The following SEC14L5 variants were observed in gnomAD, a reference collection of about 807,000 sequenced individuals.
SEC14L5 encodes the protein SEC14-like protein 5.
Under a neutral mutation model 84.6 loss-of-function variants are expected in SEC14L5, and 96 were observed. That is an observed-to-expected ratio of 1.13 (90% CI 0.96 to 1.34). SEC14L5 has a LOEUF of 1.34. Among genes scored for constraint, SEC14L5 ranks in the 40% most tolerant of loss-of-function variants. The probability of loss-of-function intolerance (pLI) is 0.00; values close to 1 mark genes in which losing one functional copy is unlikely to be tolerated. For synonymous variants in SEC14L5, 546 were observed against 383.4 expected (o/e 1.42, Z -4.95); for missense variants, 1,224 against 942.5 (o/e 1.30, Z -3.91).
Position 4,988,276 on chromosome 16 carries a change from A to G in SEC14L5, c.341A>G (p.Tyr114Cys), listed in dbSNP as rs1955517222. The G allele has an allele frequency of 1.2e-6, 2 of 1,613,678 alleles. No homozygotes were observed. The highest frequency in any genetic ancestry group is 1.7e-6 in the Non-Finnish European group (2 of 1,179,750). The change falls in exon 4 of 16, where the codon TAC becomes TGC. Residue 114 changes from tyrosine (Y) to cysteine (C), a missense_variant. Tyr to Cys is a radical substitution (Grantham distance 194). Coordinates refer to ENST00000251170, the MANE Select transcript of SEC14L5 (RefSeq NM_014692.2). ...NRVVVNEHCS[Y>C]TVHPENEDWT... ...GTGGTGGTGAACGAGCACTGCAGCT[A>G]CACGGTGAGCCCAGGCCACCCTCAG...
At chr16:4,981,548 AG>A (rs1231199729) in intron 2 of SEC14L5, among the ~76,000 whole-genome samples, 3 of 152,068 alleles carry the variant, frequency 2.0e-5, no homozygotes, top group Non-Finnish European at 2.9e-5. Context: ...TGAAGGACAG[AG>A]GGTGGAAAAG....
chr16:4,986,241 GTGA>G (rs1955485779), intron 2 of SEC14L5, among the ~76,000 whole-genome samples: 1 of 151,868 alleles, frequency 6.6e-6, no homozygotes, highest in South Asian at 2.1e-4. Context: ...TTGGTTTCAA[GTGA>G]TTCTTCTGCC....
rs1955861662 is a variant in SEC14L5, at chr16:5,015,248, G to A, written c.*278G>A. 4 of 420,980 alleles carry A rather than the reference G, an allele frequency of 9.5e-6. No homozygotes were observed. The highest frequency in any genetic ancestry group is 1.7e-5 in the Non-Finnish European group (4 of 235,062). The allele number at this position is 420,980 out of a possible 1,614,324, so 26.1% of individuals were successfully genotyped here. On this transcript the variant is annotated 3_prime_UTR_variant, in exon 16 of 16. Coordinates refer to ENST00000251170, the MANE Select transcript of SEC14L5 (RefSeq NM_014692.2). ...GGTGTCTACCATACCACACCTTTGG[G>A]ACATCCGGGCTTAGCGACGTCAGCC...
At chr16:5,012,509 T>A (rs974907685) in intron 15 of SEC14L5, among the ~76,000 whole-genome samples, 48 of 152,296 alleles carry the variant, frequency 3.2e-4, no homozygotes, top group African/African-American at 1.1e-3. Flanking sequence ...GGGTCTGCCA[T>A]CATGAAGCAG....
rs1325490897 is a variant in SEC14L5, at chr16:5,011,724, C to T, written c.1979+451C>T. Among the ~76,000 whole-genome samples the T allele has an allele frequency of 5.3e-5, 8 of 152,294 alleles. No individual in the cohort carries two copies. The East Asian group carries it at 9.7e-4, about 18-fold the overall frequency. ...CCAGCACTTCCTGGTTGCTGTGTGA[C>T]CTCGGGCAAATCACTTTTCCTCTTT... On this transcript the variant is annotated intron_variant, in intron 15 of 15. Transcript: ENST00000251170.
chr16:4,976,325 C>G (rs1955339011), intron 2 of SEC14L5, among the ~76,000 whole-genome samples: 1 of 152,210 alleles, frequency 6.6e-6, no homozygotes, highest in Non-Finnish European at 1.5e-5. Flanking sequence ...AGAGCCCACT[C>G]TCTTAAGGGC....
At chr16:5,003,979 T>TGCGC (rs1955705231) in intron 11 of SEC14L5, among the ~76,000 whole-genome samples, 1 of 152,224 alleles carries the variant, frequency 6.6e-6, no homozygotes, top group Non-Finnish European at 1.5e-5. Flanking sequence ...TGCACCCATG[T>TGCGC]GCGCGCACAC....
chr16:4,977,069 G>A (rs1433912427), intron 2 of SEC14L5, among the ~76,000 whole-genome samples: 4 of 152,278 alleles, frequency 2.6e-5, no homozygotes, highest in South Asian at 4.1e-4. Flanking sequence ...CCCAGGGCAG[G>A]GTGCCTGCGG....
At chr16:4,987,492 C>T in intron 2 of SEC14L5, 65 bp from the exon 3 acceptor site, 3 of 1,185,676 alleles carry the variant, frequency 2.5e-6, no homozygotes, top group Non-Finnish European at 3.4e-6. Flanking sequence ...ATAAGGAGGT[C>T]GCGCTGGGGG....
Position 5,015,287 on chromosome 16 carries a change from C to G in SEC14L5, c.*317C>G, listed in dbSNP as rs1955862267. 2 of 311,680 alleles carry G rather than the reference C, an allele frequency of 6.4e-6. No homozygotes were observed. Among genetic ancestry groups the G allele is most frequent in the Admixed American group, 4.6e-5 (1 of 21,724 alleles). 19.3% of individuals were successfully genotyped at this position (311,680 alleles called of 1,614,324 possible). A position where few individuals can be genotyped will look rare whatever the true frequency, so the allele number is the denominator to read the frequency against. ...GCGACGTCAGCCAGGCCCATCTCCTCTCTGTCCACCTCTTGCTCTGCTTTC... is the reference window on the plus strand; with the variant it reads ...GCGACGTCAGCCAGGCCCATCTCCTGTCTGTCCACCTCTTGCTCTGCTTTC... On this transcript the variant is annotated 3_prime_UTR_variant, in exon 16 of 16. Transcript: ENST00000251170.
intron 2 of SEC14L5, among the ~76,000 whole-genome samples, chr16:4,985,445 C>G (rs1182058235): frequency 2.0e-5 from 3 of 152,176 alleles, no homozygotes; most frequent in African/African-American, 4.8e-5. Context: ...CCAGGCTGGT[C>G]TCTAGCTCCT....
At position 5,011,124 on chromosome 16, in the gene SEC14L5, C is replaced by G; in HGVS notation, c.1830C>G (p.Val610=). 6.2e-7 allele frequency: 1 copy of G among 1,609,428 alleles called. No homozygotes were observed. The highest frequency in any genetic ancestry group is 1.1e-5 in the South Asian group (1 of 90,218). The change falls in exon 15 of 16, where the codon GTC becomes GTG. Residue 610 remains valine (V), a synonymous_variant. Coordinates refer to ENST00000251170, the MANE Select transcript of SEC14L5 (RefSeq NM_014692.2). ...CCCATGTGACCCGGTGGCCCGGCGT[C>G]TACCTGCTCCAGTGGCAAATGCACA... ...QGSHVTRWPG[V]YLLQWQMHSP...
chr16:4,994,092 A>G (rs1955581695), intron 6 of SEC14L5, among the ~76,000 whole-genome samples: 1 of 151,896 alleles, frequency 6.6e-6, no homozygotes, highest in Non-Finnish European at 1.5e-5. Flanking sequence ...CTTTTGTCAC[A>G]GTTCAAGCTT....
chr16:4,992,047 A>G lies in SEC14L5; in HGVS notation c.667+17A>G. On this transcript the variant is annotated intron_variant, in intron 6 of 15. Transcript: ENST00000251170. ...GTATGGACGGTAGGTGGTACAGCCC[A>G]GGCCAGTCAGCCCTAGGAGGCTGCT... is the stretch of plus-strand genomic sequence containing the variant. The G allele has an allele frequency of 6.6e-7, 1 of 1,520,424 alleles. No homozygotes were observed. Among genetic ancestry groups the G allele is most frequent in the Non-Finnish European group, 8.8e-7 (1 of 1,138,636 alleles). 94.2% of individuals were successfully genotyped at this position (1,520,424 alleles called of 1,614,324 possible). A position where few individuals can be genotyped will look rare whatever the true frequency, so the allele number is the denominator to read the frequency against.
intron 6 of SEC14L5, among the ~76,000 whole-genome samples, chr16:4,995,144 C>T (rs1044989468): frequency 6.6e-6 from 1 of 152,198 alleles, no homozygotes; most frequent in Non-Finnish European, 1.5e-5. Context: ...TGCTGCTGGC[C>T]GTTCATTCAG....
chr16:5,003,624 G>GGC, intron 11 of SEC14L5, 51 bp downstream of exon 11: 1 of 305,312 alleles, frequency 3.3e-6, no homozygotes, highest in Non-Finnish European at 6.5e-6. Flanking sequence ...GGTGGGATGG[G>GGC]AGGGGTTCCG....
intron 2 of SEC14L5, among the ~76,000 whole-genome samples, chr16:4,977,158 C>G (rs1232496344): frequency 6.6e-6 from 1 of 152,062 alleles, no homozygotes; most frequent in East Asian, 1.9e-4. Flanking sequence ...CAAAAAGAAA[C>G]CTGCAGGCCC....
intron 4 of SEC14L5, among the ~76,000 whole-genome samples, chr16:4,989,895 A>G (rs916653767): frequency 2.6e-5 from 4 of 152,078 alleles, no homozygotes; most frequent in Admixed American, 6.5e-5. Context: ...GCATATTTTA[A>G]CAGACTCCTT....
At chr16:4,971,938 TAAAC>T (rs767126475) in intron 2 of SEC14L5, among the ~76,000 whole-genome samples, 28 of 152,066 alleles carry the variant, frequency 1.8e-4, no homozygotes, top group Admixed American at 4.6e-4. Context: ...ATTGAGACTG[TAAAC>T]AAACAAACGC....
Sources: allele counts gnomAD v4.1 joint callset (sites outside exome capture counted in the v4.1 genomes callset), GRCh38; gene constraint gnomAD v4.1.1; transcripts MANE v1.5; gene names NCBI Gene and HGNC (gene_info 2026-07-23, HGNC 2026-07-21).